CHRM3: variants seen among roughly 807,000 people sequenced by gnomAD.
CHRM3 encodes the protein muscarinic acetylcholine receptor M3.
A neutral mutation model predicts 41.8 loss-of-function variants in CHRM3; 11 were observed. That is an observed-to-expected ratio of 0.26 (90% CI 0.17 to 0.44). CHRM3 has a LOEUF of 0.44. CHRM3 is among the 20% of genes least tolerant of loss of function. CHRM3 has a pLI of 1.00. For missense variants in CHRM3, 571 were observed against 745.4 expected (o/e 0.77, Z 2.72); for synonymous variants, 297 against 301.4 (o/e 0.99, Z 0.15).
chr1:239,671,750 T>C (rs1674391004), intron 4 of CHRM3, among the ~76,000 whole-genome samples: 1 of 151,966 alleles, frequency 6.6e-6, no homozygotes. Context: ...TAATTGGAAA[T>C]CCAGAGTAGT....
intron 1 of CHRM3, among the ~76,000 whole-genome samples, chr1:239,479,121 T>A (rs1468181142): frequency 1.3e-5 from 2 of 150,894 alleles, no homozygotes; most frequent in African/African-American, 4.9e-5. Flanking sequence ...GAGGTGGAAG[T>A]TGTAGGGAGC....
intron 1 of CHRM3, among the ~76,000 whole-genome samples, chr1:239,485,367 G>A (rs1667119481): frequency 6.6e-6 from 1 of 152,150 alleles, no homozygotes; most frequent in African/African-American, 2.4e-5. Flanking sequence ...GTGCAATCAT[G>A]ACTCACTGCA....
intron 2 of CHRM3, among the ~76,000 whole-genome samples, chr1:239,505,602 A>G (rs539952641): frequency 1.3e-5 from 2 of 152,252 alleles, no homozygotes; most frequent in South Asian, 2.1e-4. Context: ...TCTTTTGTAA[A>G]TGGCCCAGTC....
At chr1:239,804,084 C>T (rs971450840) in intron 5 of CHRM3, among the ~76,000 whole-genome samples, 1 of 152,144 alleles carries the variant, frequency 6.6e-6, no homozygotes, top group African/African-American at 2.4e-5. Flanking sequence ...GGCAGCATGT[C>T]CCTTCTCAGG....
chr1:239,418,303 C>T (rs1211711156), intron 1 of CHRM3, among the ~76,000 whole-genome samples: 1 of 152,042 alleles, frequency 6.6e-6, no homozygotes, highest in Non-Finnish European at 1.5e-5. Context: ...AAGTTTTTAA[C>T]ATAACTTTTA....
At position 239,531,639 on chromosome 1, in the gene CHRM3, A is replaced by ATTTTTTTTTTTTT. The variant is rs58433814; in HGVS notation, c.-421-13977_-421-13965dup. 2.7e-4 allele frequency among the ~76,000 whole-genome samples: 15 copies of ATTTTTTTTTTTTT among 55,900 alleles called. 5 individuals are homozygous for ATTTTTTTTTTTTT. Among genetic ancestry groups the ATTTTTTTTTTTTT allele is most frequent in the African/African-American group, 7.1e-4 (8 of 11,330 alleles). The allele number at this position is 55,900 out of a possible 152,430, so 36.7% of individuals were successfully genotyped here. On this transcript the variant is annotated intron_variant, in intron 2 of 6. Coordinates refer to ENST00000676153, the MANE Select transcript of CHRM3 (RefSeq NM_001375978.1). ...ATAAAAACTAATCTCTCTAGAATGG[A>ATTTTTTTTTTTTT]TTTTTTTTTTTTTTTTTTTTTTTTT...
intron 3 of CHRM3, among the ~76,000 whole-genome samples, chr1:239,560,514 A>T (rs777028604): frequency 6.6e-5 from 10 of 152,204 alleles, no homozygotes; most frequent in African/African-American, 2.2e-4. Context: ...TCTTCATAGT[A>T]TAACAATACA....
chr1:239,583,244 A>C (rs1453621666), intron 3 of CHRM3, among the ~76,000 whole-genome samples: 1 of 152,238 alleles, frequency 6.6e-6, no homozygotes, highest in South Asian at 2.1e-4. Context: ...ATTTTGTATT[A>C]AACATGCATA....
At chr1:239,813,662 A>C (rs552421779) in intron 5 of CHRM3, among the ~76,000 whole-genome samples, 30 of 151,310 alleles carry the variant, frequency 2.0e-4, no homozygotes, top group African/African-American at 6.6e-4. Flanking sequence ...TCACGCCTGT[A>C]ATCCCAGCAC....
chr1:239,634,106 C>T (rs1365317804), intron 4 of CHRM3, among the ~76,000 whole-genome samples: 1 of 152,144 alleles, frequency 6.6e-6, no homozygotes, highest in African/African-American at 2.4e-5. Flanking sequence ...CGAACTTGGA[C>T]CTGTCAGATG....
At chr1:239,807,929 T>C (rs191022808) in intron 5 of CHRM3, among the ~76,000 whole-genome samples, 6 of 152,300 alleles carry the variant, frequency 3.9e-5, no homozygotes, top group Admixed American at 3.3e-4. Flanking sequence ...GGCTGCATCA[T>C]AAGTCATTAT....
intron 5 of CHRM3, among the ~76,000 whole-genome samples, chr1:239,737,791 C>A (rs1222018707): frequency 6.6e-6 from 1 of 152,026 alleles, no homozygotes; most frequent in Non-Finnish European, 1.5e-5. Flanking sequence ...GCCTAGGAGA[C>A]AATACTTATG....
At chr1:239,482,850 T>C (rs1227790556) in intron 1 of CHRM3, among the ~76,000 whole-genome samples, 1 of 152,226 alleles carries the variant, frequency 6.6e-6, no homozygotes, top group Non-Finnish European at 1.5e-5. Flanking sequence ...GATAAGAATT[T>C]ATGGTATTTC....
At chr1:239,676,498 C>T (rs539808626) in intron 4 of CHRM3, among the ~76,000 whole-genome samples, 3 of 152,266 alleles carry the variant, frequency 2.0e-5, no homozygotes, top group Admixed American at 6.5e-5. Flanking sequence ...TGCCCAGAGC[C>T]CACTCTGCAG....
chr1:239,627,073 C>T (rs1204289716), intron 3 of CHRM3, among the ~76,000 whole-genome samples: 5 of 131,672 alleles, frequency 3.8e-5, no homozygotes, highest in Non-Finnish European at 6.5e-5. Context: ...CTTTCTGTCT[C>T]GTTGATCTGT....
chr1:239,563,427 TAAGA>T (rs1318021818), intron 3 of CHRM3, among the ~76,000 whole-genome samples: 1 of 152,146 alleles, frequency 6.6e-6, no homozygotes, highest in Non-Finnish European at 1.5e-5. Context: ...TTGGGGACAG[TAAGA>T]ATGGCTAAAG....
chr1:239,664,326 C>A (rs984555210), intron 4 of CHRM3, among the ~76,000 whole-genome samples: 17 of 152,158 alleles, frequency 1.1e-4, no homozygotes, highest in South Asian at 2.1e-4. Context: ...TTCAATGATC[C>A]AACAGTGTCA....
At chr1:239,752,581 C>T (rs1665919130) in intron 5 of CHRM3, among the ~76,000 whole-genome samples, 1 of 152,104 alleles carries the variant, frequency 6.6e-6, no homozygotes. Flanking sequence ...TAAATATCTT[C>T]CCCAATTGAA....
At chr1:239,514,781 T>C (rs1669148435) in intron 2 of CHRM3, among the ~76,000 whole-genome samples, 1 of 152,116 alleles carries the variant, frequency 6.6e-6, no homozygotes, top group Admixed American at 6.5e-5. Flanking sequence ...TTTAAGTGTG[T>C]TTTACATGCC....
Sources: allele counts gnomAD v4.1 joint callset (sites outside exome capture counted in the v4.1 genomes callset), GRCh38; gene constraint gnomAD v4.1.1; transcripts MANE v1.5; gene names NCBI Gene and HGNC (gene_info 2026-07-23, HGNC 2026-07-21).